Variants in TNIP1 observed in about 807,000 individuals in gnomAD.
TNIP1 encodes TNFAIP3-interacting protein 1.
Under a neutral mutation model 86.6 loss-of-function variants are expected in TNIP1, and 22 were observed. That is an observed-to-expected ratio of 0.25 (90% CI 0.18 to 0.36). TNIP1 has a LOEUF of 0.36. TNIP1 is among the 10% of genes least tolerant of loss of function. The pLI is 1.00. For missense variants in TNIP1, 709 were observed against 820.6 expected (o/e 0.86, Z 1.66); for synonymous variants, 294 against 313.0 (o/e 0.94, Z 0.64).
chr5:151,052,372 C>T, intron 6 of TNIP1, 113 bp from the exon 7 acceptor site: 1 of 845,472 alleles, frequency 1.2e-6, no homozygotes, highest in Non-Finnish European at 1.9e-6. Context: ...AACTCCTTAT[C>T]CCCTTTGCCT....
chr5:151,072,580 C>T (rs1176575901), intron 1 of TNIP1, among the ~76,000 whole-genome samples: 3 of 152,206 alleles, frequency 2.0e-5, no homozygotes, highest in African/African-American at 7.2e-5. Context: ...GAATAAGGAA[C>T]AAGATGCCCA....
In TNIP1 at chr5:151,033,704, G is replaced by C; in HGVS notation, c.1683C>G (p.His561Gln). Residue 561 changes from histidine to glutamine, a missense_variant, in exon 16 of 18, where the codon CAC (histidine) becomes CAG (glutamine). His to Gln is a conservative substitution (Grantham distance 24, BLOSUM62 0). Transcript: ENST00000521591. ...AYPPMPAMVP[H>Q]HGFEDWSQIR... Reference sequence around the variant, plus strand: ...TCTGGGACCAGTCCTCGAAGCCATGGTGTGGCACCATGGCTGGCATGGGCG... The same window carrying C: ...TCTGGGACCAGTCCTCGAAGCCATGCTGTGGCACCATGGCTGGCATGGGCG... The C allele has an allele frequency of 7.4e-7, 1 of 1,358,260 alleles. No homozygotes were observed. The highest frequency in any genetic ancestry group is 2.8e-5 in the East Asian group (1 of 36,272). The allele number at this position is 1,358,260 out of a possible 1,614,324, so 84.1% of individuals were successfully genotyped here.
chr5:151,039,947 T>G (rs1758210795), intron 11 of TNIP1, among the ~76,000 whole-genome samples: 1 of 152,238 alleles, frequency 6.6e-6, no homozygotes. Flanking sequence ...AAGACTGGGA[T>G]GGCCTTTAGA....
chr5:151,047,452 T>G (rs1010253931), intron 8 of TNIP1, among the ~76,000 whole-genome samples: 4 of 152,074 alleles, frequency 2.6e-5, no homozygotes, highest in Admixed American at 2.6e-4. Flanking sequence ...AAGAGACAAC[T>G]GAATGCAATG....
At chr5:151,071,215 T>A (rs779000597) in intron 1 of TNIP1, among the ~76,000 whole-genome samples, 11 of 152,128 alleles carry the variant, frequency 7.2e-5, no homozygotes, top group Non-Finnish European at 1.6e-4. Context: ...CAGTGTGTAT[T>A]CAAGGACCGC....
At chr5:151,078,979 C>A (rs1763698204) in intron 1 of TNIP1, among the ~76,000 whole-genome samples, 1 of 152,230 alleles carries the variant, frequency 6.6e-6, no homozygotes, top group Non-Finnish European at 1.5e-5. Context: ...TCAGACCCCA[C>A]AGCTTCCTGG....
chr5:151,043,062 TG>T, intron 9 of TNIP1, 101 bp from the exon 10 acceptor site: 1 of 1,220,662 alleles, frequency 8.2e-7, no homozygotes, highest in Non-Finnish European at 1.2e-6. Context: ...GTGCTCGGTG[TG>T]TGTGAATAGT....
Position 151,050,679 on chromosome 5 carries a change from G to C in TNIP1, c.723-732C>G, listed in dbSNP as rs184195885. ...GATAGGGTCTCGTTCTGTCACCCAGGCTGGAGTACAGTGGCCCAATCTCGG... is the reference window on the plus strand; with the variant it reads ...GATAGGGTCTCGTTCTGTCACCCAGCCTGGAGTACAGTGGCCCAATCTCGG... On this transcript the variant is annotated intron_variant, in intron 7 of 17. Coordinates refer to ENST00000521591, the MANE Select transcript of TNIP1 (RefSeq NM_006058.5). Among the ~76,000 whole-genome samples, 517 of 152,110 alleles carry C rather than the reference G, an allele frequency of 3.4e-3. 3 individuals carry two copies. The highest frequency in any genetic ancestry group is 6.4e-3 in the Non-Finnish European group (433 of 67,982).
intron 1 of TNIP1, among the ~76,000 whole-genome samples, chr5:151,075,301 G>A (rs1581923757): frequency 6.6e-6 from 1 of 152,166 alleles, no homozygotes; most frequent in Non-Finnish European, 1.5e-5. Context: ...CGGTATCTGA[G>A]AGACTCCTTC....
intron 2 of TNIP1, among the ~76,000 whole-genome samples, chr5:151,064,329 C>T (rs891028576): frequency 6.6e-5 from 10 of 152,264 alleles, no homozygotes; most frequent in Admixed American, 4.6e-4. Context: ...GAGAAGGGCA[C>T]GGCAAGGCAA....
chr5:151,045,991 A>G, intron 8 of TNIP1, 41 bp from the exon 9 acceptor site: 1 of 1,590,450 alleles, frequency 6.3e-7, no homozygotes. Context: ...AAACCTCAAT[A>G]CAAATTATCT....
chr5:151,064,537 A>G (rs1395793602), intron 2 of TNIP1, among the ~76,000 whole-genome samples: 1 of 152,108 alleles, frequency 6.6e-6, no homozygotes, highest in Non-Finnish European at 1.5e-5. Context: ...TGAGGGACCT[A>G]CCACCTCCTT....
chr5:151,052,936 G>C (rs1283625932), intron 6 of TNIP1, among the ~76,000 whole-genome samples: 1 of 152,022 alleles, frequency 6.6e-6, no homozygotes. Context: ...GAGTCCTAGG[G>C]GGGCTGAAAG....
intron 9 of TNIP1, among the ~76,000 whole-genome samples, chr5:151,044,489 T>C (rs969438121): frequency 4.6e-5 from 7 of 152,210 alleles, no homozygotes; most frequent in Non-Finnish European, 8.8e-5. Context: ...GTTGTGGTTT[T>C]CTCTAGGAGG....
chr5:151,053,872 C>T (rs984016882), intron 6 of TNIP1, among the ~76,000 whole-genome samples: 16 of 152,250 alleles, frequency 1.1e-4, no homozygotes, highest in African/African-American at 3.4e-4. Flanking sequence ...GCAGACCCCA[C>T]ACTGGTGTCT....
At chr5:151,087,432 C>G (rs929420097), upstream of TNIP1, among the ~76,000 whole-genome samples, 4 of 152,272 alleles carry the variant, frequency 2.6e-5, no homozygotes, top group Admixed American at 1.3e-4. Flanking sequence ...TGGGAAAAGG[C>G]ACCCGAGAAT....
intron 5 of TNIP1, 60 bp downstream of exon 5, chr5:151,060,258 C>T: frequency 6.4e-7 from 1 of 1,574,408 alleles, no homozygotes; most frequent in Admixed American, 1.7e-5. Flanking sequence ...CACATGGTAG[C>T]AAGTGACAGG....
intron 15 of TNIP1, among the ~76,000 whole-genome samples, chr5:151,034,233 T>C (rs1757353847): frequency 7.0e-6 from 1 of 143,632 alleles, no homozygotes; most frequent in African/African-American, 2.6e-5. Flanking sequence ...CACGGAAGGC[T>C]GGTACATGGG....
chr5:151,084,950 T>TA (rs1418736334), upstream of TNIP1, among the ~76,000 whole-genome samples: 1 of 152,166 alleles, frequency 6.6e-6, no homozygotes, highest in African/African-American at 2.4e-5. Context: ...CAGTTTTTGG[T>TA]AAAAAGTAAA....
Sources: gnomAD v4.1 joint callset for allele counts (sites outside exome capture counted in the v4.1 genomes callset) on GRCh38, gnomAD v4.1.1 for gene constraint, MANE v1.5 for transcripts, NCBI Gene and HGNC (gene_info 2026-07-23, HGNC 2026-07-21) for gene names.